WDR7: variants seen among roughly 807,000 people sequenced by gnomAD.
The protein encoded by WDR7 is WD repeat-containing protein 7.
Under a neutral mutation model 169.4 loss-of-function variants are expected in WDR7, and 46 were observed. That is an observed-to-expected ratio of 0.27 (90% confidence interval 0.21 to 0.35). The LOEUF (loss-of-function observed/expected upper bound fraction) is 0.35. WDR7 is among the 10% of genes least tolerant of loss of function. WDR7 has a pLI of 1.00. For missense variants in WDR7, 1,534 were observed against 1,859.3 expected (o/e 0.83, Z 3.22); for synonymous variants, 612 against 666.8 (o/e 0.92, Z 1.27).
intron 13 of WDR7, among the ~76,000 whole-genome samples, chr18:56,727,196 G>A (rs1024828027): frequency 1.8e-4 from 27 of 152,104 alleles, no homozygotes; most frequent in African/African-American, 6.0e-4. Flanking sequence ...ATTATTTTAC[G>A]TAAAAGGGTA....
At chr18:56,755,086 A>G (rs1257779188) in intron 14 of WDR7, among the ~76,000 whole-genome samples, 1 of 151,230 alleles carries the variant, frequency 6.6e-6, no homozygotes, top group Non-Finnish European at 1.5e-5. Flanking sequence ...TTTGGTCTTC[A>G]TAGTTTTTTT....
At chr18:56,720,762 G>A (rs919523569) in intron 13 of WDR7, among the ~76,000 whole-genome samples, 3 of 152,112 alleles carry the variant, frequency 2.0e-5, no homozygotes, top group African/African-American at 7.2e-5. Flanking sequence ...AGAGGTTATT[G>A]TTATAATCAG....
chr18:56,763,030 A>G (rs1479690890), intron 16 of WDR7, among the ~76,000 whole-genome samples: 2 of 151,502 alleles, frequency 1.3e-5, no homozygotes, highest in Non-Finnish European at 2.9e-5. Context: ...GCGCGATCTC[A>G]GCTCACTGCA....
At chr18:56,967,498 C>T (rs1349203198) in intron 26 of WDR7, among the ~76,000 whole-genome samples, 2 of 152,034 alleles carry the variant, frequency 1.3e-5, no homozygotes, top group Non-Finnish European at 2.9e-5. Flanking sequence ...GTCCCTGACT[C>T]CTTAGCGGTC....
chr18:56,951,398 C>G (rs2047180652), intron 25 of WDR7, among the ~76,000 whole-genome samples: 1 of 152,110 alleles, frequency 6.6e-6, no homozygotes, highest in Non-Finnish European at 1.5e-5. Flanking sequence ...TCCTCACACC[C>G]TCTTCCTCAC....
At chr18:56,927,955 C>A (rs532563212) in intron 22 of WDR7, among the ~76,000 whole-genome samples, 1 of 151,964 alleles carries the variant, frequency 6.6e-6, no homozygotes, top group African/African-American at 2.4e-5. Context: ...AATGAATCAC[C>A]CTGGGTAACC....
In WDR7 at chr18:56,672,604, A is replaced by G. The variant is rs368158545; in HGVS notation, c.89A>G (p.Asp30Gly). 1.2e-6 allele frequency: 2 copies of G among 1,613,576 alleles called. No individual in the cohort carries two copies. The highest frequency in any genetic ancestry group is 1.3e-5 in the African/African-American group (1 of 75,006). Residue 30 changes from aspartate (D) to glycine (G), a missense_variant, in exon 2 of 28, where the codon GAT becomes GGT. Transcript: ENST00000254442. ...ATCTCAGCCGTACTTTTAACAGATG[A>G]TGGGGCCACGATCGTAACAGGATGT... ...HCISAVLLTDDGATIVTGCHD... is the reference protein window; with the variant it reads ...HCISAVLLTDGGATIVTGCHD...
intron 19 of WDR7, among the ~76,000 whole-genome samples, chr18:56,809,021 C>T (rs1362462060): frequency 2.6e-5 from 4 of 152,046 alleles, no homozygotes; most frequent in Non-Finnish European, 2.9e-5. Flanking sequence ...CTCCCACTTC[C>T]CTTTTACTGT....
At chr18:56,843,255 G>T (rs1401675089) in intron 20 of WDR7, among the ~76,000 whole-genome samples, 1 of 152,022 alleles carries the variant, frequency 6.6e-6, no homozygotes, top group Non-Finnish European at 1.5e-5. Context: ...TTTTTAAGTG[G>T]CCAAATCAGC....
intron 20 of WDR7, among the ~76,000 whole-genome samples, chr18:56,853,090 G>A (rs2045666543): frequency 6.6e-6 from 1 of 152,150 alleles, no homozygotes; most frequent in African/African-American, 2.4e-5. Context: ...GTGTGTATGT[G>A]TGTACAGCTT....
At chr18:56,909,135 T>C (rs554499788) in intron 21 of WDR7, among the ~76,000 whole-genome samples, 1 of 152,238 alleles carries the variant, frequency 6.6e-6, no homozygotes, top group South Asian at 2.1e-4. Flanking sequence ...TTATACCCAG[T>C]TTGTTACCCA....
chr18:56,995,900 T>C (rs1429274976), intron 26 of WDR7, among the ~76,000 whole-genome samples: 2 of 152,208 alleles, frequency 1.3e-5, no homozygotes, highest in Non-Finnish European at 2.9e-5. Context: ...TGAAGAGCTA[T>C]TTTGTCCATT....
At chr18:56,701,431 C>T (rs1243954467) in intron 12 of WDR7, among the ~76,000 whole-genome samples, 1 of 152,110 alleles carries the variant, frequency 6.6e-6, no homozygotes, top group Non-Finnish European at 1.5e-5. Flanking sequence ...AAGCTGTTCA[C>T]AGTATAAAAA....
intron 12 of WDR7, among the ~76,000 whole-genome samples, chr18:56,713,840 T>C (rs1477915536): frequency 6.6e-6 from 1 of 152,190 alleles, no homozygotes; most frequent in African/African-American, 2.4e-5. Flanking sequence ...ATATGAGTTA[T>C]AAAGTATTCT....
At chr18:56,721,721 C>T (rs915281058) in intron 13 of WDR7, 1 of 152,244 alleles carries the variant, frequency 6.6e-6, no homozygotes, top group Non-Finnish European at 1.5e-5. Context: ...AGAATCCTGT[C>T]TGTTTGGGAA....
chr18:56,773,146 C>G (rs1302248653), intron 16 of WDR7, among the ~76,000 whole-genome samples: 1 of 152,070 alleles, frequency 6.6e-6, no homozygotes, highest in Non-Finnish European at 1.5e-5. Flanking sequence ...ATAGCTCTAG[C>G]TTATTGGACA....
intron 27 of WDR7, among the ~76,000 whole-genome samples, chr18:57,022,750 A>T (rs553272687): frequency 3.9e-5 from 6 of 152,328 alleles, no homozygotes; most frequent in South Asian, 2.1e-4. Context: ...TATGGGTAAC[A>T]TCCTTTTCAC....
intron 2 of WDR7, among the ~76,000 whole-genome samples, chr18:56,674,887 T>A (rs2025211360): frequency 6.6e-6 from 1 of 152,216 alleles, no homozygotes; most frequent in Admixed American, 6.5e-5. Context: ...TTCTTTTGCA[T>A]GTGGCTATCA....
chr18:56,991,356 A>G lies in WDR7; in HGVS notation c.4164+28827A>G, dbSNP rs2047815881. Among the ~76,000 whole-genome samples, 3 of 152,094 alleles carry G rather than the reference A, an allele frequency of 2.0e-5. No individual in the cohort carries two copies. In the South Asian group the frequency reaches 6.2e-4, roughly 32 times the overall value. On this transcript the variant is annotated intron_variant, in intron 26 of 27. Transcript: ENST00000254442. ...AGAGACGGGTTTCACCGTGTTAGCC[A>G]GGATGGTCTCGATCTTCTGACCTCG...
Sources: gnomAD v4.1 joint callset for allele counts (sites outside exome capture counted in the v4.1 genomes callset) on GRCh38, gnomAD v4.1.1 for gene constraint, MANE v1.5 for transcripts, NCBI Gene and HGNC (gene_info 2026-07-23, HGNC 2026-07-21) for gene names.